LMNTD1: variants seen among roughly 807,000 people sequenced by gnomAD.
LMNTD1 encodes the protein lamin tail domain containing 1, also known as lamin tail domain-containing protein 1.
In LMNTD1, 35 loss-of-function variants were observed where a neutral mutation model predicts 50.9. The observed-to-expected ratio is 0.69, with a 90% CI of 0.53 to 0.91. The LOEUF (loss-of-function observed/expected upper bound fraction) is 0.91, where lower values mean the gene tolerates loss of function less well. Among genes scored for constraint, LMNTD1 ranks in the 40% least tolerant of loss-of-function variants. LMNTD1 has a pLI of 0.00. For missense variants in LMNTD1, 470 were observed against 475.5 expected (o/e 0.99, Z 0.11); for synonymous variants, 153 against 161.9 (o/e 0.94, Z 0.42).
In LMNTD1 at chr12:25,542,270, G is replaced by A. The variant is rs571936447; in HGVS notation, c.491+4104C>T. Among the ~76,000 whole-genome samples, 302 of 151,812 alleles carry A rather than the reference G, an allele frequency of 2.0e-3. 1 individual carries two copies. The highest frequency in any genetic ancestry group is 5.2e-3 in the African/African-American group (213 of 41,282). Reference sequence around the variant, plus strand: ...CATGCTGGTATAAAGACACATGCACGTGTATGTTTATTGCGGCATTATTCA... The same window carrying A: ...CATGCTGGTATAAAGACACATGCACATGTATGTTTATTGCGGCATTATTCA... On this transcript the variant is annotated intron_variant, in intron 4 of 9. Coordinates refer to ENST00000458174, the MANE Select transcript of LMNTD1 (RefSeq NM_001145728.2).
upstream of LMNTD1, among the ~76,000 whole-genome samples, chr12:25,556,871 A>G (rs544165454): frequency 1.3e-5 from 2 of 152,218 alleles, no homozygotes. Flanking sequence ...CTGCCTCCAC[A>G]TGTGGAGAAG....
At chr12:25,603,013 A>G (rs999720718) in intron 1 of LMNTD1, among the ~76,000 whole-genome samples, 3 of 152,066 alleles carry the variant, frequency 2.0e-5, no homozygotes, top group Non-Finnish European at 4.4e-5. Context: ...CTGTAAGACT[A>G]TAAAGTTCAG....
At chr12:25,596,730 A>G (rs971356751) in intron 1 of LMNTD1, among the ~76,000 whole-genome samples, 17 of 152,170 alleles carry the variant, frequency 1.1e-4, no homozygotes, top group African/African-American at 4.1e-4. Context: ...AGATAAAAAA[A>G]CTCATTGGTA....
At chr12:25,524,136 T>G (rs1236722263) in intron 6 of LMNTD1, among the ~76,000 whole-genome samples, 1 of 152,214 alleles carries the variant, frequency 6.6e-6, no homozygotes, top group Admixed American at 6.5e-5. Context: ...CAATGCTTTT[T>G]CTCATGCTCT....
At chr12:25,606,177 T>G (rs1159321792) in intron 1 of LMNTD1, among the ~76,000 whole-genome samples, 1 of 152,222 alleles carries the variant, frequency 6.6e-6, no homozygotes, top group African/African-American at 2.4e-5. Flanking sequence ...TTTTTCACAT[T>G]GATTTTGTAT....
At chr12:25,542,202 C>G (rs1372786319) in intron 4 of LMNTD1, among the ~76,000 whole-genome samples, 2 of 152,108 alleles carry the variant, frequency 1.3e-5, no homozygotes, top group Non-Finnish European at 2.9e-5. Context: ...TACCATTTGA[C>G]CCAGCCTCCC....
intron 9 of LMNTD1, among the ~76,000 whole-genome samples, chr12:25,490,687 C>G (rs1056424846): frequency 2.0e-5 from 3 of 152,180 alleles, no homozygotes; most frequent in Middle Eastern, 3.2e-3. Flanking sequence ...TCAATGTCCT[C>G]TAATGCTGAG....
At chr12:25,622,499 G>T (rs1946497469) in intron 1 of LMNTD1, among the ~76,000 whole-genome samples, 1 of 134,064 alleles carries the variant, frequency 7.5e-6, no homozygotes, top group Admixed American at 8.9e-5. Context: ...CAACATCATT[G>T]GCTTTTATCC....
At chr12:25,595,315 A>G (rs982455802) in intron 1 of LMNTD1, among the ~76,000 whole-genome samples, 1 of 152,182 alleles carries the variant, frequency 6.6e-6, no homozygotes, top group African/African-American at 2.4e-5. Flanking sequence ...TCCAAGATAG[A>G]CTATATAATA....
At chr12:25,619,080 C>A (rs968170519) in intron 1 of LMNTD1, among the ~76,000 whole-genome samples, 6 of 152,188 alleles carry the variant, frequency 3.9e-5, no homozygotes, top group Admixed American at 1.3e-4. Flanking sequence ...ACATTTAGAT[C>A]ATTTTCAATT....
chr12:25,626,701 C>T (rs931222671), intron 1 of LMNTD1, among the ~76,000 whole-genome samples: 10 of 152,096 alleles, frequency 6.6e-5, no homozygotes, highest in South Asian at 2.1e-4. Flanking sequence ...TTTTTTAGCA[C>T]GTGTTTCACC....
At chr12:25,620,128 A>T (rs140694114) in intron 1 of LMNTD1, among the ~76,000 whole-genome samples, 164 of 152,372 alleles carry the variant, frequency 1.1e-3, no homozygotes, top group South Asian at 4.1e-3. Flanking sequence ...AGCTACTGTC[A>T]TAGTTTAAGT....
rs1456656942 is a variant in LMNTD1 at position 25,538,212 on chromosome 12, A to G, written c.491+8162T>C. ...GGCAGGCCAACATTCAGATTCAGGA[A>G]ATACAGAGAACGCCACAAAGATACT... On this transcript the variant is annotated intron_variant, in intron 4 of 9. Transcript: ENST00000458174. 1.4e-4 allele frequency among the ~76,000 whole-genome samples: 11 copies of G among 80,028 alleles called. 3 individuals are homozygous for G. In the East Asian group the frequency reaches 3.2e-3, roughly 23 times the overall value. 52.5% of individuals were successfully genotyped at this position (80,028 alleles called of 152,430 possible).
chr12:25,614,715 G>C (rs1565520186), intron 1 of LMNTD1, among the ~76,000 whole-genome samples: 1 of 152,166 alleles, frequency 6.6e-6, no homozygotes, highest in Non-Finnish European at 1.5e-5. Context: ...GGCAAATAGG[G>C]AAAGTGGCTA....
At chr12:25,495,309 C>A (rs1253815292) in intron 9 of LMNTD1, among the ~76,000 whole-genome samples, 1 of 147,062 alleles carries the variant, frequency 6.8e-6, no homozygotes. Context: ...AAATGCTTAT[C>A]TATTTGGGGG....
At chr12:25,543,378 TAACAA>T (rs1193321950) in intron 4 of LMNTD1, among the ~76,000 whole-genome samples, 1 of 152,018 alleles carries the variant, frequency 6.6e-6, no homozygotes. Context: ...AGCAATATTT[TAACAA>T]ATGGAATTCA....
At chr12:25,575,796 G>T (rs147743558) in intron 1 of LMNTD1, among the ~76,000 whole-genome samples, 1 of 151,874 alleles carries the variant, frequency 6.6e-6, no homozygotes. Flanking sequence ...CCATTAACTC[G>T]TCACTTCCAT....
intron 5 of LMNTD1, 79 bp from the exon 6 acceptor site, chr12:25,526,297 A>T: frequency 7.3e-7 from 1 of 1,364,586 alleles, no homozygotes; most frequent in Non-Finnish European, 1.0e-6. Flanking sequence ...CTCCAACATA[A>T]TCTTTCTGAA....
rs58780549 is a variant in LMNTD1 at position 25,628,107 on chromosome 12, C to CA, written c.58+20386dup. On this transcript the variant is annotated intron_variant, in intron 1 of 7. Transcript: ENST00000445693. The stretch of plus-strand genomic sequence containing the variant: ...TGGGCGACAGAGTGAAACTCCGTCT[C>CA]AAAAAAAAAAAAAAAAAAAAAAAAA... Among the ~76,000 whole-genome samples, 13 of 52,466 alleles carry CA rather than the reference C, an allele frequency of 2.5e-4. 2 individuals are homozygous for CA. The highest frequency in any genetic ancestry group is 4.2e-4 in the African/African-American group (5 of 11,852). The allele number at this position is 52,466 out of a possible 152,430, so 34.4% of individuals were successfully genotyped here. A position where few individuals can be genotyped will look rare whatever the true frequency, so the allele number is the denominator to read the frequency against.
Sources: gnomAD v4.1 joint callset for allele counts (sites outside exome capture counted in the v4.1 genomes callset) on GRCh38, gnomAD v4.1.1 for gene constraint, MANE v1.5 for transcripts, NCBI Gene and HGNC (gene_info 2026-07-23, HGNC 2026-07-21) for gene names.